The following CTPS1 variants were observed in gnomAD, a reference collection of about 807,000 sequenced individuals.
CTPS1 encodes the protein CTP synthetase 1.
Under a neutral mutation model 80.5 loss-of-function variants are expected in CTPS1, and 25 were observed. The ratio of observed to expected loss-of-function variants is 0.31; its 90% CI spans 0.23 to 0.43. The LOEUF (loss-of-function observed/expected upper bound fraction) is 0.43, where lower values mean the gene tolerates loss of function less well. Among genes scored for constraint, CTPS1 ranks in the 20% least tolerant of loss-of-function variants. The probability of loss-of-function intolerance (pLI) is 1.00; values close to 1 mark genes in which losing one functional copy is unlikely to be tolerated. For synonymous variants in CTPS1, 267 were observed against 252.5 expected (o/e 1.06, Z -0.54); for missense variants, 442 against 725.7 (o/e 0.61, Z 4.49).
At chr1:41,010,961 G>A (rs1570988440) in intron 18 of CTPS1, among the ~76,000 whole-genome samples, 2 of 152,340 alleles carry the variant, frequency 1.3e-5, no homozygotes, top group East Asian at 3.9e-4. Flanking sequence ...GGGAGTGTCA[G>A]TCATCTGGGG....
In CTPS1 at chr1:41,010,172, G is replaced by A; in HGVS notation, c.1703G>A (p.Ser568Asn). Residue 568 changes from serine (S) to asparagine (N), a missense_variant, in exon 18 of 19, where the codon AGT (serine) becomes AAT (asparagine). Ser to Asn is a conservative substitution (Grantham distance 46). Coordinates refer to ENST00000650070, the MANE Select transcript of CTPS1 (RefSeq NM_001905.4). ...TCTGAATTCTACAGGGACACCTATA[G>A]TGACAGGAGTGGAAGCAGCTCCCCT... ...GCRLSPRDTYSDRSGSSSPDS... is the reference protein window; with the variant it reads ...GCRLSPRDTYNDRSGSSSPDS... The A allele has an allele frequency of 6.2e-7, 1 of 1,613,484 alleles. No homozygotes were observed. Among genetic ancestry groups the A allele is most frequent in the African/African-American group, 1.3e-5 (1 of 75,052 alleles).
chr1:40,991,569 G>A (rs1642611467), intron 6 of CTPS1, among the ~76,000 whole-genome samples, 196 bp from the exon 7 acceptor site: 3 of 152,122 alleles, frequency 2.0e-5, no homozygotes, highest in Admixed American at 2.0e-4. Flanking sequence ...ATTCTCTTAT[G>A]TTTCTCCAGT....
intron 4 of CTPS1, among the ~76,000 whole-genome samples, chr1:40,988,153 A>G (rs892482301): frequency 6.6e-5 from 10 of 152,160 alleles, no homozygotes; most frequent in Non-Finnish European, 1.2e-4. Context: ...AACTCAAGCC[A>G]TCTGCCTGCC....
intron 7 of CTPS1, among the ~76,000 whole-genome samples, chr1:40,994,735 G>A (rs1211627079): frequency 1.3e-5 from 2 of 152,158 alleles, no homozygotes; most frequent in East Asian, 3.8e-4. Flanking sequence ...AGTACTGAAA[G>A]TGGCCATTCT....
rs1643191238 is a variant in CTPS1 at position 41,012,219 on chromosome 1, A to C, written c.*571A>C. 6.6e-6 allele frequency: 1 copy of C among 152,212 alleles called. No individual in the cohort carries two copies. Among genetic ancestry groups the C allele is most frequent in the South Asian group, 2.1e-4 (1 of 4,826 alleles). The allele number at this position is 152,212 out of a possible 1,614,324, so 9.4% of individuals were successfully genotyped here. A position where few individuals can be genotyped will look rare whatever the true frequency, so the allele number is the denominator to read the frequency against. On this transcript the variant is annotated 3_prime_UTR_variant, in exon 19 of 19. Transcript: ENST00000650070. ...CAAAGGGACGGTCAGTTTGGTGTCA[A>C]CATGAAACACCAAGATGTCTGTCTC...
At chr1:41,002,082 A>G in intron 10 of CTPS1, 78 bp from the exon 11 acceptor site, 3 of 1,258,190 alleles carry the variant, frequency 2.4e-6, no homozygotes, top group Non-Finnish European at 1.2e-6. Context: ...GTGTCTTGGT[A>G]ATGGCCCGTT....
At chr1:40,995,203 A>G (rs28401673) in intron 7 of CTPS1, among the ~76,000 whole-genome samples, 70,958 of 151,784 alleles carry the variant, frequency 0.47, 18,190 homozygotes, top group Admixed American at 0.6. Context: ...TACATTTGTG[A>G]TTTGGATCAT....
At chr1:41,011,219 GCC>G (rs1239336438) in intron 18 of CTPS1, among the ~76,000 whole-genome samples, 1 of 152,200 alleles carries the variant, frequency 6.6e-6, no homozygotes, top group East Asian at 1.9e-4. Flanking sequence ...CAGGAGGAGG[GCC>G]TGTGTGCTAG....
At chr1:40,997,320 G>T in intron 8 of CTPS1, 74 bp from the exon 9 acceptor site, 1 of 1,527,180 alleles carries the variant, frequency 6.5e-7, no homozygotes, top group African/African-American at 1.4e-5. Context: ...TTTTTCCCTT[G>T]AAATAGCTAT....
Position 40,979,791 on chromosome 1 carries a change from A to G in CTPS1, c.-52A>G, listed in dbSNP as rs1046835872. Reference sequence around the variant, plus strand: ...GGGGCTCCGCGCGCGTCGCCGGCCCAGCTCTGTCGCTGACGGGAGGATCTG... The same window carrying G: ...GGGGCTCCGCGCGCGTCGCCGGCCCGGCTCTGTCGCTGACGGGAGGATCTG... On this transcript the variant is annotated 5_prime_UTR_variant, in exon 1 of 19. Coordinates refer to ENST00000650070, the MANE Select transcript of CTPS1 (RefSeq NM_001905.4). 6.6e-6 allele frequency: 1 copy of G among 152,068 alleles called. No homozygotes were observed. Among genetic ancestry groups the G allele is most frequent in the African/African-American group, 2.4e-5 (1 of 41,378 alleles). The allele number at this position is 152,068 out of a possible 1,614,324, so 9.4% of individuals were successfully genotyped here. A position where few individuals can be genotyped will look rare whatever the true frequency, so the allele number is the denominator to read the frequency against.
At chr1:40,979,885 G>C (rs1432230462) in intron 1 of CTPS1, 56 bp downstream of exon 1, 1 of 152,186 alleles carries the variant, frequency 6.6e-6, no homozygotes, top group Non-Finnish European at 1.5e-5. Context: ...AGGAGTCAGC[G>C]GCGCGAGCTG....
intron 5 of CTPS1, among the ~76,000 whole-genome samples, chr1:40,990,314 G>C (rs1642571253): frequency 6.6e-6 from 1 of 152,002 alleles, no homozygotes; most frequent in African/African-American, 2.4e-5. Context: ...GGGCCCCCTT[G>C]GTGCCTATCA....
intron 9 of CTPS1, among the ~76,000 whole-genome samples, chr1:40,999,387 G>T (rs1642841887): frequency 6.6e-6 from 1 of 152,190 alleles, no homozygotes; most frequent in Non-Finnish European, 1.5e-5. Flanking sequence ...GTAGGAGATT[G>T]TAGAAAAGTG....
At position 41,010,195 on chromosome 1, in the gene CTPS1, C is replaced by T; in HGVS notation, c.1726C>T (p.Pro576Ser). 6.2e-7 allele frequency: 1 copy of T among 1,613,990 alleles called. No homozygotes were observed. Among genetic ancestry groups the T allele is most frequent in the Non-Finnish European group, 8.5e-7 (1 of 1,179,854 alleles). ...TYSDRSGSSS[P>S]DSEITELKFP... The stretch of plus-strand genomic sequence containing the variant: ...TAGTGACAGGAGTGGAAGCAGCTCC[C>T]CTGACTCTGAAATCACCGAACTGAA... Residue 576 changes from proline (P) to serine (S), a missense_variant, in exon 18 of 19, where the codon CCT (proline) becomes TCT (serine). Transcript: ENST00000650070.
rs1013258013 is a variant in CTPS1, at chr1:41,004,224, T to C, written c.1252+1048T>C. ...ATTTTCAGAAAGACCTTGTAAATTC[T>C]GTGGAAAATAAAGTAACCTGAAGGA... On this transcript the variant is annotated intron_variant, in intron 12 of 18. Transcript: ENST00000650070. The C allele has an allele frequency of 2.6e-5, 4 of 152,278 alleles. No individual in the cohort carries two copies. The East Asian group carries it at 7.7e-4, about 29-fold the overall frequency. 9.4% of individuals were successfully genotyped at this position (152,278 alleles called of 1,614,324 possible). A position where few individuals can be genotyped will look rare whatever the true frequency, so the allele number is the denominator to read the frequency against.
At chr1:40,983,650 T>C (rs376877488) in intron 2 of CTPS1, among the ~76,000 whole-genome samples, 194 bp downstream of exon 2, 12 of 148,318 alleles carry the variant, frequency 8.1e-5, no homozygotes, top group African/African-American at 3.0e-4. Context: ...TGAGACAGGA[T>C]CCCACTCTGT....
At chr1:40,980,084 G>A (rs1373955184) in intron 1 of CTPS1, 2 of 150,974 alleles carry the variant, frequency 1.3e-5, no homozygotes, top group Non-Finnish European at 3.0e-5. Context: ...GAGGGGCCAA[G>A]CGGGGCGCGG....
At chr1:40,997,102 G>T in intron 8 of CTPS1, 1 of 293,908 alleles carries the variant, frequency 3.4e-6, no homozygotes, top group Non-Finnish European at 6.3e-6. Context: ...AGCTATTCCC[G>T]TTATATTCTT....
intron 9 of CTPS1, among the ~76,000 whole-genome samples, chr1:41,000,184 A>G (rs1465573712): frequency 1.3e-5 from 2 of 152,134 alleles, no homozygotes; most frequent in Non-Finnish European, 2.9e-5. Context: ...GGTAGGAGGT[A>G]GAGGGGCACA....
Sources: allele counts gnomAD v4.1 joint callset (sites outside exome capture counted in the v4.1 genomes callset), GRCh38; gene constraint gnomAD v4.1.1; transcripts MANE v1.5; gene names NCBI Gene and HGNC (gene_info 2026-07-23, HGNC 2026-07-21).